Variants in ABCA1 observed in about 807,000 individuals in gnomAD.
ABCA1 encodes phospholipid-transporting ATPase ABCA1.
In ABCA1, 133 loss-of-function variants were observed where a neutral mutation model predicts 262.5. The observed-to-expected ratio is 0.51, with a 90% CI of 0.44 to 0.59. ABCA1 has a LOEUF of 0.59. Among genes scored for constraint, ABCA1 ranks in the 20% least tolerant of loss-of-function variants. ABCA1 has a pLI of 0.00. For missense variants in ABCA1, 2,452 were observed against 2,777.5 expected (o/e 0.88, Z 2.63); for synonymous variants, 1,022 against 1,043.5 (o/e 0.98, Z 0.40).
chr9:104,875,613 T>C (rs1419573493), intron 5 of ABCA1, among the ~76,000 whole-genome samples: 4 of 152,078 alleles, frequency 2.6e-5, no homozygotes, highest in African/African-American at 7.2e-5. Context: ...ATATTTCTTA[T>C]CTTTTCCTGG....
intron 7 of ABCA1, among the ~76,000 whole-genome samples, chr9:104,851,669 C>T (rs1478988673): frequency 1.3e-5 from 2 of 152,226 alleles, no homozygotes; most frequent in Admixed American, 6.5e-5. Context: ...CAGAGCGTCT[C>T]CTGCTCTATA....
intron 4 of ABCA1, among the ~76,000 whole-genome samples, chr9:104,884,128 C>CA (rs1838941772): frequency 6.6e-6 from 1 of 152,210 alleles, no homozygotes; most frequent in South Asian, 2.1e-4. Context: ...CCAGCCCATT[C>CA]AGATGCACGT....
At chr9:104,876,781 C>T (rs543234915) in intron 5 of ABCA1, among the ~76,000 whole-genome samples, 7 of 152,208 alleles carry the variant, frequency 4.6e-5, no homozygotes, top group South Asian at 2.1e-4. Context: ...GGGGGCACAG[C>T]GATGGCAGGT....
chr9:104,798,718 C>T, intron 36 of ABCA1, 120 bp from the exon 37 acceptor site: 3 of 864,712 alleles, frequency 3.5e-6, no homozygotes, highest in East Asian at 2.6e-5. Context: ...ATCTGAGGCA[C>T]AGCCCAAGGA....
chr9:104,855,522 C>A, intron 7 of ABCA1: 1 of 789,602 alleles, frequency 1.3e-6, no homozygotes, highest in Non-Finnish European at 1.8e-6. Flanking sequence ...TCTATCTTGA[C>A]GCAATTGTTT....
At chr9:104,906,133 T>C (rs1448840058) in intron 1 of ABCA1, among the ~76,000 whole-genome samples, 1 of 152,252 alleles carries the variant, frequency 6.6e-6, no homozygotes, top group African/African-American at 2.4e-5. Flanking sequence ...ATCCTCTAGC[T>C]GAGAAATGGT....
intron 18 of ABCA1, among the ~76,000 whole-genome samples, chr9:104,824,097 T>A (rs1401785343): frequency 6.6e-6 from 1 of 152,144 alleles, no homozygotes; most frequent in African/African-American, 2.4e-5. Flanking sequence ...GATACACAGG[T>A]CACCATGTCA....
In ABCA1 at chr9:104,791,970, A is replaced by G; in HGVS notation, c.5786T>C (p.Val1929Ala). 1 of 1,613,730 alleles carries G rather than the reference A, an allele frequency of 6.2e-7. No homozygotes were observed. The highest frequency in any genetic ancestry group is 1.3e-5 in the African/African-American group (1 of 75,050). The part of the protein sequence containing the change: ...KIYRRKRKPA[V>A]DRICVGIPPG... The stretch of plus-strand genomic sequence containing the variant: ...AGGAATGCCCACGCAAATCCTGTCA[A>G]CAGCAGGCTTCCGCTTCCTTCTATA... Residue 1929 changes from valine (V) to alanine (A), a missense_variant, in exon 43 of 50, where the codon GTT (valine) becomes GCT (alanine). By Grantham distance (64) the Val-to-Ala change is moderately conservative. Transcript: ENST00000374736.
At chr9:104,893,839 G>A (rs1416903998) in intron 2 of ABCA1, among the ~76,000 whole-genome samples, 1 of 152,238 alleles carries the variant, frequency 6.6e-6, no homozygotes. Flanking sequence ...CCCACTAGGT[G>A]GAATGGTCTA....
chr9:104,839,653 C>A (rs201418802), intron 9 of ABCA1, among the ~76,000 whole-genome samples: 2,714 of 134,622 alleles, frequency 0.02, 83 homozygotes, highest in African/African-American at 0.074. Context: ...TTTTGAGTTA[C>A]AACTGACAAA....
At chr9:104,877,628 G>T (rs577506410) in intron 5 of ABCA1, among the ~76,000 whole-genome samples, 1 of 152,380 alleles carries the variant, frequency 6.6e-6, no homozygotes, top group South Asian at 2.1e-4. Context: ...AAAGCAACTC[G>T]AATTTATTAT....
At position 104,782,877 on chromosome 9, in the gene ABCA1, A is replaced by T. The variant is rs1588178539; in HGVS notation, c.*1438T>A. 6.7e-6 allele frequency: 1 copy of T among 150,350 alleles called. No homozygotes were observed. Among genetic ancestry groups the T allele is most frequent in the African/African-American group, 2.5e-5 (1 of 40,758 alleles). 9.3% of individuals were successfully genotyped at this position (150,350 alleles called of 1,614,324 possible). ...AAAAAAAAAAAAAAGGCTGCCCAGT[A>T]TTGTTACAGTGGGCTCCTACAACCA... is the stretch of plus-strand genomic sequence containing the variant. On this transcript the variant is annotated 3_prime_UTR_variant, in exon 50 of 50. Coordinates refer to ENST00000374736, the MANE Select transcript of ABCA1 (RefSeq NM_005502.4).
At chr9:104,862,991 C>T (rs923866997) in intron 5 of ABCA1, among the ~76,000 whole-genome samples, 1 of 151,786 alleles carries the variant, frequency 6.6e-6, no homozygotes, top group African/African-American at 2.4e-5. Flanking sequence ...TTTAAACCAT[C>T]AGCCCTATTA....
intron 2 of ABCA1, among the ~76,000 whole-genome samples, chr9:104,896,753 CAG>C (rs1840260826): frequency 2.9e-5 from 2 of 68,900 alleles, no homozygotes; most frequent in Admixed American, 2.2e-4. Flanking sequence ...TTTTTTCAGA[CAG>C]AGTTTCACTC....
chr9:104,927,212 G>GA (rs138985328), intron 1 of ABCA1, among the ~76,000 whole-genome samples: 25,306 of 134,282 alleles, frequency 0.19, 2,620 homozygotes, highest in South Asian at 0.36. Flanking sequence ...TTAAAGGAAA[G>GA]AAAAAAAAGA....
intron 18 of ABCA1, among the ~76,000 whole-genome samples, chr9:104,824,139 C>A (rs1334102163): frequency 6.6e-6 from 1 of 152,232 alleles, no homozygotes; most frequent in Non-Finnish European, 1.5e-5. Flanking sequence ...GTTCCACAAT[C>A]ACGCTTGTCT....
chr9:104,858,335 C>G (rs573777778), intron 7 of ABCA1, among the ~76,000 whole-genome samples, 187 bp downstream of exon 7: 140 of 152,310 alleles, frequency 9.2e-4, no homozygotes, highest in Middle Eastern at 3.4e-3. Flanking sequence ...CCCATTCACC[C>G]TTTGGGAGAT....
At position 104,784,341 on chromosome 9, in the gene ABCA1, C is replaced by T. The variant is rs745893578; in HGVS notation, c.6760G>A (p.Glu2254Lys). 3 of 1,614,106 alleles carry T rather than the reference C, an allele frequency of 1.9e-6. No individual in the cohort carries two copies. Among genetic ancestry groups the T allele is most frequent in the Non-Finnish European group, 2.5e-6 (3 of 1,179,990 alleles). ...VAVLTSFLQDEKVKESYV is the reference protein window; with the variant it reads ...VAVLTSFLQDKKVKESYV ...CATACATAGCTTTCTTTCACTTTCT[C>T]ATCCTGTAGAAAAGATGTGAGAACT... Residue 2254 changes from glutamate (E) to lysine (K), a missense_variant, in exon 50 of 50, where the codon GAG becomes AAG. By Grantham distance (56) the Glu-to-Lys change is moderately conservative. Around this residue, in one of 4 missense-constraint regions of ABCA1, gnomAD observed 752 missense variants for 944.5 expected, o/e 0.80. Transcript: ENST00000374736.
intron 43 of ABCA1, among the ~76,000 whole-genome samples, chr9:104,791,422 T>C (rs1300269518): frequency 6.6e-6 from 1 of 152,210 alleles, no homozygotes; most frequent in Non-Finnish European, 1.5e-5. Flanking sequence ...AAGCATGTTT[T>C]AGATGTGCGT....
Sources: allele counts gnomAD v4.1 joint callset (sites outside exome capture counted in the v4.1 genomes callset), GRCh38; gene constraint gnomAD v4.1.1; regional missense constraint gnomAD v4.1.1; transcripts MANE v1.5; gene names NCBI Gene and HGNC (gene_info 2026-07-23, HGNC 2026-07-21).